C2orf76: variants seen among roughly 807,000 people sequenced by gnomAD.
The protein encoded by C2orf76 is UPF0538 protein C2orf76.
A neutral mutation model predicts 16.9 loss-of-function variants in C2orf76; 23 were observed. The observed-to-expected ratio is 1.36, with a 90% CI of 0.98 to 1.93. C2orf76 has a LOEUF of 1.93. Ranked by LOEUF, C2orf76 falls within the 30% of genes most tolerant of loss-of-function variation. The probability of loss-of-function intolerance (pLI) is 0.00; values close to 1 mark genes in which losing one functional copy is unlikely to be tolerated. For synonymous variants in C2orf76, 48 were observed against 52.3 expected (o/e 0.92, Z 0.35); for missense variants, 152 against 152.6 (o/e 1.00, Z 0.02).
intron 1 of C2orf76, among the ~76,000 whole-genome samples, chr2:119,354,486 G>A (rs1680504353): frequency 6.6e-6 from 1 of 152,206 alleles, no homozygotes; most frequent in Non-Finnish European, 1.5e-5. Context: ...TCGCACCACT[G>A]CACTCCAGCC....
At chr2:119,289,112 T>C in the C2orf76 span, among the ~76,000 whole-genome samples, 1 of 152,062 alleles carries the variant, frequency 6.6e-6, no homozygotes, top group Non-Finnish European at 1.5e-5. Context: ...GAAACTACTC[T>C]GTCCCTTTGA....
At chr2:119,343,981 G>T (rs891501386) in intron 1 of C2orf76, among the ~76,000 whole-genome samples, 4 of 152,196 alleles carry the variant, frequency 2.6e-5, no homozygotes, top group Non-Finnish European at 1.5e-5. Context: ...GTAATGAAGC[G>T]AAGGCTGGGC....
chr2:119,290,323 C>A, the C2orf76 span, among the ~76,000 whole-genome samples: 5 of 151,936 alleles, frequency 3.3e-5, no homozygotes, highest in African/African-American at 1.2e-4. Flanking sequence ...CCATAGAAAC[C>A]GGCTCACGAC....
intron 2 of C2orf76, among the ~76,000 whole-genome samples, chr2:119,337,422 T>C (rs183763811): frequency 3.9e-5 from 6 of 152,156 alleles, no homozygotes; most frequent in Admixed American, 3.3e-4. Flanking sequence ...TGTAAAATGG[T>C]TCCAACTTTA....
At position 119,321,151 on chromosome 2, in the gene C2orf76, T is replaced by A. The variant is rs1679328283; in HGVS notation, c.184+3A>T. The A allele has an allele frequency of 7.2e-7, 1 of 1,379,674 alleles. No homozygotes were observed. The highest frequency in any genetic ancestry group is 9.9e-7 in the Non-Finnish European group (1 of 1,011,546). 85.5% of individuals were successfully genotyped at this position (1,379,674 alleles called of 1,614,324 possible). ...TATTTTAAAAGAATAAAAAAATGGT[T>A]ACCATATTTATAATTTCTGAATGGT... On this transcript the variant is annotated splice_donor_region_variant and intron_variant, in intron 3 of 5. Transcript: ENST00000334816.
intron 5 of C2orf76, among the ~76,000 whole-genome samples, chr2:119,308,437 C>T (rs763901108): frequency 1.6e-4 from 24 of 152,232 alleles, no homozygotes; most frequent in Admixed American, 3.3e-4. Flanking sequence ...GTCAGGAGTT[C>T]GAGACCAGCC....
intron 1 of C2orf76, among the ~76,000 whole-genome samples, chr2:119,364,881 C>G (rs1030230689): frequency 3.3e-5 from 5 of 151,590 alleles, no homozygotes; most frequent in Non-Finnish European, 7.4e-5. Context: ...GAGATCAAGA[C>G]CAACAACATA....
At chr2:119,290,738 G>A in the C2orf76 span, among the ~76,000 whole-genome samples, 1 of 152,132 alleles carries the variant, frequency 6.6e-6, no homozygotes, top group Non-Finnish European at 1.5e-5. Flanking sequence ...GCTGAGACAG[G>A]AGACTCGCTT....
At chr2:119,343,709 G>A (rs1573668553) in intron 1 of C2orf76, among the ~76,000 whole-genome samples, 1 of 152,192 alleles carries the variant, frequency 6.6e-6, no homozygotes, top group East Asian at 1.9e-4. Flanking sequence ...GAGGCAGGGA[G>A]GTGGAGGTTG....
chr2:119,330,754 C>T (rs1219412508), intron 2 of C2orf76, among the ~76,000 whole-genome samples: 8 of 151,864 alleles, frequency 5.3e-5, no homozygotes, highest in Non-Finnish European at 1.0e-4. Context: ...CCAGTCTTTT[C>T]CTGTGTTTCA....
the C2orf76 span, among the ~76,000 whole-genome samples, chr2:119,293,025 ACT>A: frequency 1.3e-5 from 2 of 152,198 alleles, no homozygotes; most frequent in Non-Finnish European, 2.9e-5. Context: ...ACACAATGAG[ACT>A]CTGTCTCAAA....
intron 1 of C2orf76, among the ~76,000 whole-genome samples, chr2:119,347,870 C>T (rs1286804891): frequency 1.3e-5 from 2 of 151,888 alleles, no homozygotes; most frequent in Non-Finnish European, 2.9e-5. Context: ...TGAGTATAGT[C>T]GATTTTACAG....
intron 1 of C2orf76, among the ~76,000 whole-genome samples, chr2:119,362,367 C>T (rs1400048305): frequency 6.6e-6 from 1 of 152,110 alleles, no homozygotes; most frequent in Non-Finnish European, 1.5e-5. Context: ...GCCCCTAACC[C>T]CTGTGTTGTT....
chr2:119,285,477 C>T, the C2orf76 span, among the ~76,000 whole-genome samples: 81 of 152,302 alleles, frequency 5.3e-4, no homozygotes, highest in African/African-American at 1.7e-3. Context: ...GGATCTGTCC[C>T]GTTTCCCTGT....
chr2:119,306,024 TAA>T (rs1678771461), intron 5 of C2orf76, among the ~76,000 whole-genome samples: 1 of 150,378 alleles, frequency 6.6e-6, no homozygotes, highest in Admixed American at 6.6e-5. Context: ...TGTGGGAAGG[TAA>T]AACGGGAAAC....
chr2:119,284,405 G>A, the C2orf76 span, among the ~76,000 whole-genome samples: 1 of 152,122 alleles, frequency 6.6e-6, no homozygotes, highest in Non-Finnish European at 1.5e-5. Flanking sequence ...AGGGCTTATT[G>A]AGGGCAGAAA....
At chr2:119,295,949 GCTGA>G in the C2orf76 span, among the ~76,000 whole-genome samples, 4 of 152,110 alleles carry the variant, frequency 2.6e-5, no homozygotes, top group Non-Finnish European at 4.4e-5. Context: ...TGACCCTCTC[GCTGA>G]CTAATGATCA....
chr2:119,300,243 C>T (rs2166505), downstream of C2orf76, among the ~76,000 whole-genome samples: 40,662 of 152,054 alleles, frequency 0.27, 5,735 homozygotes, highest in Middle Eastern at 0.37. Flanking sequence ...ATATTTGCCA[C>T]GGAACGCACG....
chr2:119,363,169 A>G (rs1224746949), intron 1 of C2orf76, among the ~76,000 whole-genome samples: 2 of 152,134 alleles, frequency 1.3e-5, no homozygotes, highest in African/African-American at 4.8e-5. Flanking sequence ...TCACGCCTGT[A>G]ATCTCAGCAC....
Sources: gnomAD v4.1 joint callset for allele counts (sites outside exome capture counted in the v4.1 genomes callset) on GRCh38, gnomAD v4.1.1 for gene constraint, MANE v1.5 for transcripts, NCBI Gene and HGNC (gene_info 2026-07-23, HGNC 2026-07-21) for gene names.